The following PPP2R5E variants were observed in gnomAD, a reference collection of about 807,000 sequenced individuals.
PPP2R5E encodes serine/threonine-protein phosphatase 2A 56 kDa regulatory subunit epsilon isoform.
A neutral mutation model predicts 65.3 loss-of-function variants in PPP2R5E; 4 were observed. That is an observed-to-expected ratio of 0.06 (90% CI 0.03 to 0.14). The LOEUF (loss-of-function observed/expected upper bound fraction) is 0.14, where lower values mean the gene tolerates loss of function less well. Ranked by LOEUF, PPP2R5E falls within the 10% of genes least tolerant of loss-of-function variation. PPP2R5E has a pLI of 1.00. For synonymous variants in PPP2R5E, 183 were observed against 187.4 expected, an observed-to-expected ratio of 0.98 and a Z score of 0.19; for missense variants, 274 against 556.1, an observed-to-expected ratio of 0.49 and a Z score of 5.10.
intron 5 of PPP2R5E, among the ~76,000 whole-genome samples, chr14:63,411,207 T>C (rs1413610328): frequency 2.0e-5 from 3 of 152,178 alleles, no homozygotes; most frequent in Non-Finnish European, 2.9e-5. Flanking sequence ...GCTTTTACCA[T>C]AGCATCTAAT....
chr14:63,445,208 G>C lies in PPP2R5E; in HGVS notation c.354+8481C>G, dbSNP rs1212513588. On this transcript the variant is annotated intron_variant, in intron 3 of 13. Transcript: ENST00000337537. The stretch of plus-strand genomic sequence containing the variant: ...CTTTATGGGCTATTTTGCTTTACAG[G>C]CACACCTCACATACATTATAGGATC... Among the ~76,000 whole-genome samples the C allele has an allele frequency of 3.9e-5, 6 of 152,030 alleles. No homozygotes were observed. In the South Asian group the frequency reaches 1.0e-3, roughly 26 times the overall value.
intron 2 of PPP2R5E, among the ~76,000 whole-genome samples, chr14:63,454,566 TA>T (rs1889018253): frequency 3.3e-5 from 5 of 152,226 alleles, no homozygotes; most frequent in Admixed American, 3.3e-4. Flanking sequence ...CTTATATTAA[TA>T]TGTTCCCAGA....
intron 5 of PPP2R5E, among the ~76,000 whole-genome samples, chr14:63,410,203 CTT>C (rs1425322393): frequency 1.3e-5 from 2 of 152,068 alleles, no homozygotes; most frequent in Non-Finnish European, 2.9e-5. Context: ...TACCAAGATT[CTT>C]TTTTGAGACC....
chr14:63,396,409 G>A (rs1885398669), intron 6 of PPP2R5E, among the ~76,000 whole-genome samples, 177 bp downstream of exon 6: 1 of 110,160 alleles, frequency 9.1e-6, no homozygotes, highest in South Asian at 4.2e-4. Flanking sequence ...GAAGATGGGG[G>A]AGGAGAGGAG....
At chr14:63,527,360 A>G (rs1405535319) in intron 2 of PPP2R5E, among the ~76,000 whole-genome samples, 3 of 152,174 alleles carry the variant, frequency 2.0e-5, no homozygotes, top group Non-Finnish European at 2.9e-5. Flanking sequence ...TTTTTGCTTT[A>G]AAAGTATAAT....
At chr14:63,422,654 A>G (rs61995011) in intron 3 of PPP2R5E, among the ~76,000 whole-genome samples, 17,095 of 145,952 alleles carry the variant, frequency 0.12, 1,310 homozygotes, top group African/African-American at 0.22. Context: ...TGAACCCCGG[A>G]GGACGGAGCC....
chr14:63,409,681 G>C (rs1334174866), intron 5 of PPP2R5E, among the ~76,000 whole-genome samples: 3 of 152,158 alleles, frequency 2.0e-5, no homozygotes, highest in East Asian at 3.8e-4. Flanking sequence ...ATCTGCCCAA[G>C]GTTTTCAGTC....
chr14:63,533,284 G>A (rs1334539515), intron 2 of PPP2R5E, among the ~76,000 whole-genome samples: 5 of 152,180 alleles, frequency 3.3e-5, no homozygotes, highest in Admixed American at 6.5e-5. Context: ...GAAAACGGCC[G>A]GGCACGGTGG....
At chr14:63,416,303 A>C (rs1238069281) in intron 4 of PPP2R5E, among the ~76,000 whole-genome samples, 1 of 152,184 alleles carries the variant, frequency 6.6e-6, no homozygotes, top group Non-Finnish European at 1.5e-5. Flanking sequence ...AAAAATACAT[A>C]TATAATCCAG....
intron 2 of PPP2R5E, among the ~76,000 whole-genome samples, chr14:63,535,012 A>T (rs958861505): frequency 6.6e-5 from 10 of 152,214 alleles, no homozygotes; most frequent in African/African-American, 2.4e-4. Context: ...TTCATCCTAT[A>T]ATTTCCTAAC....
At chr14:63,413,340 A>C (rs1886508428) in intron 5 of PPP2R5E, among the ~76,000 whole-genome samples, 1 of 152,218 alleles carries the variant, frequency 6.6e-6, no homozygotes, top group Non-Finnish European at 1.5e-5. Flanking sequence ...CCTCTTAGGC[A>C]CATTAATTCA....
intron 3 of PPP2R5E, among the ~76,000 whole-genome samples, chr14:63,430,405 A>ACATACATACATACATACATACATG: frequency 6.9e-6 from 1 of 144,072 alleles, no homozygotes; most frequent in Non-Finnish European, 1.5e-5. Flanking sequence ...ATACATGCAT[A>ACATACATACATACATACATACATG]CATACATACA....
At chr14:63,537,546 T>G (rs1893716635) in intron 2 of PPP2R5E, among the ~76,000 whole-genome samples, 1 of 152,348 alleles carries the variant, frequency 6.6e-6, no homozygotes, top group Non-Finnish European at 1.5e-5. Flanking sequence ...TCCAAAAATT[T>G]TGTATAAACA....
intron 4 of PPP2R5E, among the ~76,000 whole-genome samples, chr14:63,418,990 G>T (rs1341237076): frequency 6.6e-6 from 1 of 151,956 alleles, no homozygotes; most frequent in African/African-American, 2.4e-5. Flanking sequence ...GGGATTACAG[G>T]CGTGTGCTGC....
At chr14:63,531,130 T>A (rs112698730) in intron 2 of PPP2R5E, among the ~76,000 whole-genome samples, 3 of 152,146 alleles carry the variant, frequency 2.0e-5, no homozygotes, top group Non-Finnish European at 4.4e-5. Flanking sequence ...ATAGCGCCAT[T>A]GCGCTCCAGC....
rs74983244 is a variant in PPP2R5E at position 63,435,389 on chromosome 14, T to C, written c.355-13295A>G. 1.3e-3 allele frequency among the ~76,000 whole-genome samples: 198 copies of C among 152,196 alleles called. 1 individual carries two copies. The East Asian group carries it at 0.014, about 11-fold the overall frequency. ...AAGGGTGGAGAAAAAAAACGGAAGA[T>C]GGTGAGTTCTTTACATATTCTTAAT... On this transcript the variant is annotated intron_variant, in intron 3 of 13. Coordinates refer to ENST00000337537, the MANE Select transcript of PPP2R5E (RefSeq NM_006246.5).
chr14:63,490,604 C>A (rs1319679203), intron 2 of PPP2R5E, among the ~76,000 whole-genome samples: 1 of 151,944 alleles, frequency 6.6e-6, no homozygotes, highest in Non-Finnish European at 1.5e-5. Context: ...CAAAAGAGGA[C>A]ATACAAGCAG....
At chr14:63,496,425 C>G (rs1217988093) in intron 2 of PPP2R5E, among the ~76,000 whole-genome samples, 1 of 137,658 alleles carries the variant, frequency 7.3e-6, no homozygotes, top group Non-Finnish European at 1.5e-5. Context: ...GCCCAGGCAA[C>G]AGAGTAAGAC....
At chr14:63,475,566 T>TA (rs1330425922) in intron 2 of PPP2R5E, among the ~76,000 whole-genome samples, 4 of 152,234 alleles carry the variant, frequency 2.6e-5, no homozygotes, top group Non-Finnish European at 5.9e-5. Flanking sequence ...CACTGTTTTT[T>TA]TATATATTAC....
Sources: allele counts gnomAD v4.1 joint callset (sites outside exome capture counted in the v4.1 genomes callset), GRCh38; gene constraint gnomAD v4.1.1; transcripts MANE v1.5; gene names NCBI Gene and HGNC (gene_info 2026-07-23, HGNC 2026-07-21).